PRPF8: variants seen among roughly 807,000 people sequenced by gnomAD.
The protein encoded by PRPF8 is pre-mRNA-processing-splicing factor 8.
In PRPF8, 64 loss-of-function variants were observed where a neutral mutation model predicts 285.9. The observed-to-expected ratio is 0.22, with a 90% CI of 0.18 to 0.28. PRPF8 has a LOEUF of 0.28. Among genes scored for constraint, PRPF8 ranks in the 10% least tolerant of loss-of-function variants. PRPF8 has a pLI of 1.00. For missense variants in PRPF8, 1,426 were observed against 3,026.7 expected, an observed-to-expected ratio of 0.47 and a Z score of 12.41; for synonymous variants, 1,325 against 1,118.2, an observed-to-expected ratio of 1.18 and a Z score of -3.69.
At chr17:1,683,820 A>G in intron 2 of PRPF8, 119 bp from the exon 3 acceptor site, 2 of 1,194,074 alleles carry the variant, frequency 1.7e-6, no homozygotes, top group Non-Finnish European at 2.4e-6. Flanking sequence ...AGCAGGAAGA[A>G]GCACCCCTTG....
At position 1,653,306 on chromosome 17, in the gene PRPF8, T is replaced by C. The variant is rs1442801117; in HGVS notation, c.6369+236A>G. 7.9e-6 allele frequency: 5 copies of C among 629,384 alleles called. No homozygotes were observed. The highest frequency in any genetic ancestry group is 7.3e-5 in the African/African-American group (4 of 54,968). The allele number at this position is 629,384 out of a possible 1,614,324, so 39.0% of individuals were successfully genotyped here. A position where few individuals can be genotyped will look rare whatever the true frequency, so the allele number is the denominator to read the frequency against. On this transcript the variant is annotated intron_variant, in intron 39 of 42. Transcript: ENST00000304992. This position sits in a 1 kb window ranked among gnomAD's most constrained non-coding sequence, Gnocchi z 4.9. ...TCAGGAATTTGTTTCTGACCATATC[T>C]GTTCTCTTCCAAATACTATCAGGCC...
chr17:1,680,874 C>T, intron 7 of PRPF8, 43 bp from the exon 8 acceptor site: 1 of 1,614,124 alleles, frequency 6.2e-7, no homozygotes, highest in Non-Finnish European at 8.5e-7. Context: ...CCCGCCCTGG[C>T]CCAACCTAAA....
At chr17:1,674,283 A>C (rs1912494257) in intron 21 of PRPF8, among the ~76,000 whole-genome samples, 159 bp downstream of exon 21, 1 of 152,070 alleles carries the variant, frequency 6.6e-6, no homozygotes, top group Non-Finnish European at 1.5e-5. Context: ...CGGCCTCCCA[A>C]AGTGCTGGGA....
chr17:1,650,875 G>A lies in PRPF8; in HGVS notation c.6935C>T (p.Ser2312Phe). ...CAGGAGAGCAAAGTTGAGGAAGTGAGAGGGCCTGTGCACCTCGTGGTAGAA... is the reference window on the plus strand; with the variant it reads ...CAGGAGAGCAAAGTTGAGGAAGTGAAAGGGCCTGTGCACCTCGTGGTAGAA... ...KEFYHEVHRP[S>F]HFLNFALLQE... The change falls in exon 43 of 43, where the codon TCT becomes TTT. Residue 2312 changes from serine (S) to phenylalanine (F), a missense_variant. Transcript: ENST00000304992. The A allele has an allele frequency of 1.2e-6, 2 of 1,614,182 alleles. No homozygotes were observed. Among genetic ancestry groups the A allele is most frequent in the South Asian group, 2.2e-5 (2 of 91,090 alleles).
At chr17:1,677,779 T>C (rs927382590) in intron 13 of PRPF8, 85 bp from the exon 14 acceptor site, 12 of 1,549,696 alleles carry the variant, frequency 7.7e-6, no homozygotes, top group Admixed American at 1.7e-5. Flanking sequence ...GGGGCATATA[T>C]GTATAATATA....
chr17:1,668,354 CTTTT>C (rs970795981), intron 24 of PRPF8, among the ~76,000 whole-genome samples: 10 of 105,586 alleles, frequency 9.5e-5, no homozygotes, highest in Admixed American at 6.9e-4. Flanking sequence ...GTCTAGCATT[CTTTT>C]TTTTTTTTTT....
chr17:1,674,495 G>C lies in PRPF8; in HGVS notation c.3246C>G (p.Ala1082=). 1.2e-6 allele frequency: 2 copies of C among 1,614,130 alleles called. No homozygotes were observed. The highest frequency in any genetic ancestry group is 2.2e-5 in the South Asian group (2 of 91,084). ...ATCTGCAGAAGAGACGGATGGGGTG[G>C]GCAGCCTCAGTGGCTATGTCCTGGA... ...LSFQDIATEA[A]HPIRLFCRYI... is the part of the protein sequence containing the mutation. Residue 1082 remains alanine, a synonymous_variant, in exon 21 of 43, where the codon GCC becomes GCG. Coordinates refer to ENST00000304992, the MANE Select transcript of PRPF8 (RefSeq NM_006445.4).
In PRPF8 at chr17:1,650,732, A is replaced by G. The variant is rs1910984745; in HGVS notation, c.*70T>C. 1 of 1,581,454 alleles carries G rather than the reference A, an allele frequency of 6.3e-7. No individual in the cohort carries two copies. Among genetic ancestry groups the G allele is most frequent in the South Asian group, 1.1e-5 (1 of 90,348 alleles). ...AGAGGGAAAGAGGCCAAACTGCTGA[A>G]TGTCAGCGGCCTGTCTGGAGGGGCT... On this transcript the variant is annotated 3_prime_UTR_variant, in exon 43 of 43. Transcript: ENST00000304992.
chr17:1,664,803 T>TTA (rs1911867229), intron 24 of PRPF8, among the ~76,000 whole-genome samples: 1 of 152,028 alleles, frequency 6.6e-6, no homozygotes, highest in South Asian at 2.1e-4. Flanking sequence ...AAATATGAAC[T>TTA]CATAAGGGAA....
chr17:1,683,380 G>T (rs1597251529), intron 3 of PRPF8, 153 bp downstream of exon 3: 1 of 828,746 alleles, frequency 1.2e-6, no homozygotes, highest in East Asian at 2.6e-5. Flanking sequence ...TGCAAAAGTG[G>T]AAGATGTAGA....
intron 24 of PRPF8, among the ~76,000 whole-genome samples, chr17:1,664,341 G>C (rs1297355590): frequency 4.6e-5 from 7 of 152,138 alleles, no homozygotes; most frequent in Admixed American, 4.6e-4. Flanking sequence ...GTAATCGATA[G>C]AAGTATACAA....
rs1408305680 is a variant in PRPF8 at position 1,673,125 on chromosome 17, C to A, written c.3730G>T (p.Val1244Leu). Residue 1244 changes from valine to leucine, a missense_variant, in exon 24 of 43, where the codon GTG becomes TTG. By Grantham distance (32) the Val-to-Leu change is conservative. Around this residue, in one of 34 missense-constraint regions of PRPF8, gnomAD observed 1 missense variants for 30.9 expected, o/e 0.03. Transcript: ENST00000304992. This position sits in a 1 kb window ranked among gnomAD's most constrained non-coding sequence, Gnocchi z 5.5. ...CCAGAGGCCATGAGAATCTGACGCA[C>A]GCGGTTGTGGAAGCGCTGCATTGAC... ...DESMQRFHNR[V>L]RQILMASGST... 1 of 1,614,102 alleles carries A rather than the reference C, an allele frequency of 6.2e-7. No individual in the cohort carries two copies. Among genetic ancestry groups the A allele is most frequent in the Non-Finnish European group, 8.5e-7 (1 of 1,180,050 alleles).
intron 30 of PRPF8, 127 bp from the exon 31 acceptor site, chr17:1,660,128 CA>C (rs1417146155): frequency 1.5e-5 from 18 of 1,198,296 alleles, no homozygotes; most frequent in Non-Finnish European, 2.0e-5. Context: ...TTCCCATATG[CA>C]AAAGAGCAAG....
At chr17:1,655,916 C>A (rs184909244) in intron 36 of PRPF8, among the ~76,000 whole-genome samples, 3,201 of 146,650 alleles carry the variant, frequency 0.022, 128 homozygotes, top group African/African-American at 0.079. Flanking sequence ...TGAGCCACTG[C>A]GCCCGGCCTT....
intron 2 of PRPF8, among the ~76,000 whole-genome samples, chr17:1,684,109 ACTCCTGAC>A (rs1913092736): frequency 6.6e-6 from 1 of 151,526 alleles, no homozygotes; most frequent in Non-Finnish European, 1.5e-5. Context: ...CTGGTCTCGA[ACTCCTGAC>A]CTCAGGTGAT....
rs1345310551 is a variant in PRPF8 at position 1,656,570 on chromosome 17, G to C, written c.5620-5C>G. On this transcript the variant is annotated splice_polypyrimidine_tract_variant and splice_region_variant and intron_variant, in intron 35 of 42. Coordinates refer to ENST00000304992, the MANE Select transcript of PRPF8 (RefSeq NM_006445.4). ...GGGGAAGTCCAGTAAGTGCACCTAAGACAAGATCAAGTCCAAGATGAGAAA... is the reference window on the plus strand; with the variant it reads ...GGGGAAGTCCAGTAAGTGCACCTAACACAAGATCAAGTCCAAGATGAGAAA... 1 of 1,614,144 alleles carries C rather than the reference G, an allele frequency of 6.2e-7. No individual in the cohort carries two copies. Among genetic ancestry groups the C allele is most frequent in the Non-Finnish European group, 8.5e-7 (1 of 1,180,026 alleles).
chr17:1,654,019 G>T lies in PRPF8; in HGVS notation c.5988-3C>A. 6.2e-7 allele frequency: 1 copy of T among 1,614,202 alleles called. No individual in the cohort carries two copies. Among genetic ancestry groups the T allele is most frequent in the Non-Finnish European group, 8.5e-7 (1 of 1,180,042 alleles). ...GTGTCAGTGATGCCACGTTCACACTGTGGGGATGGTGTGGGTTATATTACA... is the reference window on the plus strand; with the variant it reads ...GTGTCAGTGATGCCACGTTCACACTTTGGGGATGGTGTGGGTTATATTACA... On this transcript the variant is annotated splice_region_variant and splice_polypyrimidine_tract_variant and intron_variant, in intron 37 of 42. Transcript: ENST00000304992.
intron 1 of PRPF8, 74 bp from the exon 2 acceptor site, chr17:1,684,656 C>T (rs1913142901): frequency 2.2e-6 from 3 of 1,384,048 alleles, no homozygotes; most frequent in Admixed American, 2.0e-5. Context: ...GAAAGGCGTC[C>T]GGGGACCCCG....
At chr17:1,682,059 C>A (rs1347468148) in intron 4 of PRPF8, 21 bp from the exon 5 acceptor site, 7 of 1,613,704 alleles carry the variant, frequency 4.3e-6, no homozygotes, top group Non-Finnish European at 5.9e-6. Flanking sequence ...AGACATCACA[C>A]AACCATTTCT....
Sources: gnomAD v4.1 joint callset for allele counts (sites outside exome capture counted in the v4.1 genomes callset) on GRCh38, gnomAD v4.1.1 for gene constraint, gnomAD v4.1.1 regional missense constraint, Gnocchi (gnomAD v3.1) non-coding constraint, MANE v1.5 for transcripts, NCBI Gene and HGNC (gene_info 2026-07-23, HGNC 2026-07-21) for gene names.